LRP1B: variants seen among roughly 807,000 people sequenced by gnomAD.
LRP1B encodes LDL receptor related protein 1B, also known as low-density lipoprotein receptor-related protein 1B.
LRP1B carries 217 observed loss-of-function variants against 556.6 expected under a neutral mutation model. The observed-to-expected ratio is 0.39, with a 90% CI of 0.35 to 0.44. LRP1B has a LOEUF of 0.44. Among genes scored for constraint, LRP1B ranks in the 20% least tolerant of loss-of-function variants. The pLI, the probability that LRP1B is intolerant of heterozygous loss-of-function variation, is 1.00. For synonymous variants in LRP1B, 2,047 were observed against 1,865.8 expected, an observed-to-expected ratio of 1.10 and a Z score of -2.50; for missense variants, 5,053 against 5,620.8, an observed-to-expected ratio of 0.90 and a Z score of 3.23.
intron 1 of LRP1B, among the ~76,000 whole-genome samples, chr2:141,855,421 G>A (rs1698019064): frequency 6.6e-6 from 1 of 152,112 alleles, no homozygotes; most frequent in Non-Finnish European, 1.5e-5. Flanking sequence ...AATCTTGCAT[G>A]GGATTTGAGC....
At chr2:140,596,137 G>T (rs925905291) in intron 43 of LRP1B, among the ~76,000 whole-genome samples, 2 of 152,120 alleles carry the variant, frequency 1.3e-5, no homozygotes, top group Admixed American at 1.3e-4. Context: ...TCTGTCTAAG[G>T]CTTCAGAATA....
At chr2:140,645,671 C>A (rs929224961) in intron 41 of LRP1B, among the ~76,000 whole-genome samples, 7 of 151,048 alleles carry the variant, frequency 4.6e-5, no homozygotes, top group African/African-American at 1.7e-4. Context: ...TCCCGAGTAG[C>A]TGGGACTACA....
chr2:141,825,729 A>C lies in LRP1B; in HGVS notation c.83-15328T>G, dbSNP rs376147386. On this transcript the variant is annotated intron_variant, in intron 1 of 90. Transcript: ENST00000389484. ...AGTTCTTCTCTACAGTAGACACCTC[A>C]TGAGAATTTAAGTGAAATCTCATCA... is the stretch of plus-strand genomic sequence containing the variant. Among the ~76,000 whole-genome samples the C allele has an allele frequency of 1.7e-4, 26 of 152,332 alleles. No homozygotes were observed. In the East Asian group the frequency reaches 1.9e-3, roughly 11 times the overall value.
chr2:140,529,270 T>C (rs1690574499), intron 47 of LRP1B, among the ~76,000 whole-genome samples: 1 of 152,012 alleles, frequency 6.6e-6, no homozygotes, highest in Admixed American at 6.6e-5. Flanking sequence ...TACTATTTCT[T>C]CCACTTTCTT....
chr2:140,540,509 C>T (rs755416835), intron 45 of LRP1B, among the ~76,000 whole-genome samples: 6 of 152,212 alleles, frequency 3.9e-5, no homozygotes, highest in South Asian at 2.1e-4. Flanking sequence ...TCTTAATTAA[C>T]AGTTTGGAAA....
At chr2:141,904,117 A>T (rs2104939257) in intron 1 of LRP1B, among the ~76,000 whole-genome samples, 1 of 152,096 alleles carries the variant, frequency 6.6e-6, no homozygotes, top group South Asian at 2.1e-4. Flanking sequence ...CAATTACAAG[A>T]TTTTAAGCAG....
chr2:141,152,837 T>C (rs933487211), intron 7 of LRP1B, among the ~76,000 whole-genome samples: 3 of 151,766 alleles, frequency 2.0e-5, no homozygotes, highest in African/African-American at 7.2e-5. Flanking sequence ...TTTTGTATAC[T>C]AATACCAACA....
intron 3 of LRP1B, among the ~76,000 whole-genome samples, chr2:141,447,776 T>C (rs1265105498): frequency 6.6e-6 from 1 of 152,136 alleles, no homozygotes; most frequent in Non-Finnish European, 1.5e-5. Flanking sequence ...GCCTGTTCCT[T>C]CCTCTGGAAG....
chr2:141,009,270 G>T (rs1697670243), intron 14 of LRP1B, among the ~76,000 whole-genome samples: 1 of 151,590 alleles, frequency 6.6e-6, no homozygotes, highest in South Asian at 2.1e-4. Flanking sequence ...TATTCCAAAA[G>T]TTAGATAAAG....
At chr2:142,014,037 A>C (rs2105160936) in intron 1 of LRP1B, among the ~76,000 whole-genome samples, 1 of 152,292 alleles carries the variant, frequency 6.6e-6, no homozygotes, top group South Asian at 2.1e-4. Flanking sequence ...TAAGAAAATT[A>C]ATCCTTTATC....
chr2:141,787,519 T>C (rs1405572812), intron 2 of LRP1B, among the ~76,000 whole-genome samples: 3 of 150,714 alleles, frequency 2.0e-5, no homozygotes, highest in African/African-American at 4.9e-5. Context: ...ATCCACTTAG[T>C]GTCATACTAG....
chr2:141,966,059 C>A (rs776990352), intron 1 of LRP1B, among the ~76,000 whole-genome samples: 3 of 151,718 alleles, frequency 2.0e-5, no homozygotes, highest in South Asian at 2.1e-4. Flanking sequence ...AGTCTTAACT[C>A]TTTTTCAAAT....
At chr2:140,534,264 C>G in intron 46 of LRP1B, 124 bp from the exon 47 acceptor site, 1 of 901,174 alleles carries the variant, frequency 1.1e-6, no homozygotes, top group Non-Finnish European at 1.6e-6. Flanking sequence ...AAGTGCTGTG[C>G]CATATAATAG....
intron 3 of LRP1B, among the ~76,000 whole-genome samples, chr2:141,322,862 C>T (rs568352195): frequency 1.1e-4 from 17 of 152,076 alleles, no homozygotes; most frequent in African/African-American, 3.4e-4. Flanking sequence ...TGCAAATCAG[C>T]ATGCTCAGTA....
intron 2 of LRP1B, among the ~76,000 whole-genome samples, chr2:141,537,782 T>C (rs1685116741): frequency 6.6e-6 from 1 of 152,136 alleles, no homozygotes. Context: ...GGTTTTCTGA[T>C]ATATGGAAAT....
chr2:141,724,208 A>G (rs186043877), intron 2 of LRP1B, among the ~76,000 whole-genome samples: 208 of 152,020 alleles, frequency 1.4e-3, no homozygotes, highest in African/African-American at 4.8e-3. Context: ...CTTAGCTCAT[A>G]GATATATACA....
intron 32 of LRP1B, among the ~76,000 whole-genome samples, chr2:140,776,451 C>G (rs910146142): frequency 3.3e-5 from 3 of 89,858 alleles, no homozygotes; most frequent in Admixed American, 3.3e-4. Context: ...CAGTTAGACT[C>G]TTCAATTTAA....
intron 18 of LRP1B, among the ~76,000 whole-genome samples, chr2:140,973,370 G>T (rs1208948069): frequency 6.6e-6 from 1 of 151,994 alleles, no homozygotes; most frequent in Non-Finnish European, 1.5e-5. Context: ...TACTATGATG[G>T]ATGATGGATT....
At chr2:141,246,116 A>G (rs181184551) in intron 5 of LRP1B, among the ~76,000 whole-genome samples, 13 of 152,338 alleles carry the variant, frequency 8.5e-5, no homozygotes, top group South Asian at 2.1e-4. Context: ...GGGAAATTAT[A>G]TAGTGATAGA....
Sources: gnomAD v4.1 joint callset for allele counts (sites outside exome capture counted in the v4.1 genomes callset) on GRCh38, gnomAD v4.1.1 for gene constraint, MANE v1.5 for transcripts, NCBI Gene and HGNC (gene_info 2026-07-23, HGNC 2026-07-21) for gene names.